Variants in RBM4 observed in about 807,000 individuals in gnomAD.
RBM4 encodes RNA-binding protein 4.
RBM4 carries 7 observed loss-of-function variants against 29.5 expected under a neutral mutation model. That is an observed-to-expected ratio of 0.24 (90% CI 0.14 to 0.45). The LOEUF (loss-of-function observed/expected upper bound fraction) is 0.45. Ranked by LOEUF, RBM4 falls within the 20% of genes least tolerant of loss-of-function variation. The pLI, the probability that RBM4 is intolerant of heterozygous loss-of-function variation, is 1.00. For missense variants in RBM4, 387 were observed against 502.3 expected, an observed-to-expected ratio of 0.77 and a Z score of 2.19; for synonymous variants, 220 against 205.4, an observed-to-expected ratio of 1.07 and a Z score of -0.61.
intron 2 of RBM4, chr11:66,665,454 T>G: frequency 1.3e-6 from 1 of 749,338 alleles, no homozygotes; most frequent in South Asian, 1.5e-5. Flanking sequence ...GAAAACATAG[T>G]TGGTCACAAA....
chr11:66,661,916 G>C (rs1039136629), intron 2 of RBM4, among the ~76,000 whole-genome samples: 7 of 152,262 alleles, frequency 4.6e-5, no homozygotes, highest in African/African-American at 1.7e-4. Flanking sequence ...TGTGATCCCA[G>C]CTACTGGGGA....
chr11:66,640,533 T>C (rs1356901730), intron 2 of RBM4: 2 of 355,074 alleles, frequency 5.6e-6, no homozygotes, highest in Non-Finnish European at 1.0e-5. Flanking sequence ...CTCAAAAACA[T>C]GTCAAGCGAC....
chr11:66,656,607 C>G (rs903919742), intron 2 of RBM4, among the ~76,000 whole-genome samples: 1 of 152,058 alleles, frequency 6.6e-6, no homozygotes, highest in Non-Finnish European at 1.5e-5. Flanking sequence ...ATAAAATATA[C>G]CAATTTTGAA....
At chr11:66,665,684 G>GAA (rs1939201804) in intron 2 of RBM4, 2 of 1,508,464 alleles carry the variant, frequency 1.3e-6, no homozygotes, top group Admixed American at 4.4e-5. Flanking sequence ...GGAAAAAAAA[G>GAA]AACAAAACAA....
chr11:66,648,402 T>A (rs1296563900), downstream of RBM4, among the ~76,000 whole-genome samples: 2 of 151,156 alleles, frequency 1.3e-5, no homozygotes, highest in Non-Finnish European at 2.9e-5. Context: ...GCATTTGTGG[T>A]CCCAGCTACT....
At position 66,644,018 on chromosome 11, in the gene RBM4, CG is replaced by C; in HGVS notation, c.984del (p.His329MetfsTer39). The C allele has an allele frequency of 6.2e-7, 1 of 1,613,688 alleles. No homozygotes were observed. The highest frequency in any genetic ancestry group is 8.5e-7 in the Non-Finnish European group (1 of 1,180,002). On this transcript the variant is annotated frameshift_variant, in exon 3 of 4. Coordinates refer to ENST00000310092, the MANE Select transcript of RBM4 (RefSeq NM_002896.4). LOFTEE classifies it high-confidence loss of function. ...VPTVGEGYGY[G>X]HESELSQASA... is the part of the protein sequence containing the mutation. ...CCACTGTTGGAGAGGGCTACGGTTACGGGCATGAGAGTGAGTTGTCCCAAGC... is the reference window on the plus strand; with the variant it reads ...CCACTGTTGGAGAGGGCTACGGTTACGGCATGAGAGTGAGTTGTCCCAAGC...
chr11:66,655,965 C>A lies in RBM4; in HGVS notation c.413-9891C>A, dbSNP rs184896209. 2.7e-4 allele frequency among the ~76,000 whole-genome samples: 41 copies of A among 152,146 alleles called. No homozygotes were observed. The East Asian group carries it at 7.5e-3, about 28-fold the overall frequency. On this transcript the variant is annotated intron_variant, in intron 2 of 2. Coordinates refer to the RBM4 transcript ENST00000396053. The stretch of plus-strand genomic sequence containing the variant: ...TCTGGGAAGAACCAGGAAGAGACGG[C>A]CCTGAAGTATTCTTTTTTTTTTTAG...
At chr11:66,640,160 GGCT>G in intron 2 of RBM4, 37 bp downstream of exon 2, 2 of 1,611,344 alleles carry the variant, frequency 1.2e-6, no homozygotes, top group South Asian at 2.2e-5. Flanking sequence ...CTGAACACAA[GGCT>G]GTGTGCAGAA....
chr11:66,651,122 CG>C (rs144427782), downstream of RBM4, among the ~76,000 whole-genome samples: 780 of 150,914 alleles, frequency 5.2e-3, 32 homozygotes, highest in East Asian at 0.098. Context: ...AAAGTAGACT[CG>C]GGGGGGGATG....
intron 2 of RBM4, among the ~76,000 whole-genome samples, chr11:66,663,249 T>C (rs1939119185): frequency 6.6e-6 from 1 of 152,248 alleles, no homozygotes; most frequent in Non-Finnish European, 1.5e-5. Flanking sequence ...ATCATTAATA[T>C]GTGATTTGCT....
chr11:66,668,202 T>C (rs12364617), exon 3 of RBM4: 28 of 166,680 alleles, frequency 1.7e-4, no homozygotes, highest in East Asian at 4.7e-4. Context: ...TCAAATGACT[T>C]TGGGCAAAGT....
intron 2 of RBM4, among the ~76,000 whole-genome samples, chr11:66,658,990 T>C (rs972241439): frequency 2.0e-5 from 3 of 151,322 alleles, no homozygotes; most frequent in African/African-American, 7.3e-5. Context: ...TCATTATATG[T>C]TGAAATGGTC....
At chr11:66,668,285 T>G in exon 3 of RBM4, 1 of 226,026 alleles carries the variant, frequency 4.4e-6, no homozygotes, top group Non-Finnish European at 8.8e-6. Context: ...GTGTAGATGA[T>G]ATACAGAGGG....
chr11:66,651,926 CACTAT>C (rs1387687030), intron 2 of RBM4, among the ~76,000 whole-genome samples: 1 of 51,984 alleles, frequency 1.9e-5, no homozygotes, highest in Non-Finnish European at 6.5e-5. Context: ...CTAATACTTT[CACTAT>C]GGGGATTCAG....
exon 3 of RBM4, chr11:66,667,677 G>C (rs1053393319): frequency 4.6e-5 from 7 of 151,490 alleles, no homozygotes; most frequent in African/African-American, 1.7e-4. Flanking sequence ...CTTTGACAAA[G>C]GACAATGACC....
chr11:66,646,339 G>C lies in RBM4; in HGVS notation c.*321G>C. On this transcript the variant is annotated 3_prime_UTR_variant, in exon 4 of 4. Transcript: ENST00000310092. The stretch of plus-strand genomic sequence containing the variant: ...CTCCTCCCTGCCTCCTGCCTCCTGC[G>C]GCTGTTGGATTTGGGAATGACCTTG... 1 of 1,265,294 alleles carries C rather than the reference G, an allele frequency of 7.9e-7. No individual in the cohort carries two copies. The highest frequency in any genetic ancestry group is 1.0e-6 in the Non-Finnish European group (1 of 999,540). The allele number at this position is 1,265,294 out of a possible 1,614,324, so 78.4% of individuals were successfully genotyped here. A position where few individuals can be genotyped will look rare whatever the true frequency, so the allele number is the denominator to read the frequency against.
At chr11:66,655,281 C>T (rs999306423) in intron 2 of RBM4, among the ~76,000 whole-genome samples, 3 of 151,292 alleles carry the variant, frequency 2.0e-5, no homozygotes, top group South Asian at 4.2e-4. Context: ...CCACTGCACT[C>T]GGCACTTCTT....
At chr11:66,663,829 T>G (rs1459883014) in intron 2 of RBM4, among the ~76,000 whole-genome samples, 1 of 152,108 alleles carries the variant, frequency 6.6e-6, no homozygotes, top group Non-Finnish European at 1.5e-5. Flanking sequence ...GCTCAGCCTT[T>G]TTCTGATGCA....
At chr11:66,649,100 G>A (rs547109254), downstream of RBM4, among the ~76,000 whole-genome samples, 5 of 152,096 alleles carry the variant, frequency 3.3e-5, no homozygotes, top group Admixed American at 1.3e-4. Flanking sequence ...TCTGCCTCCC[G>A]TGTTCAAGTG....
Sources: gnomAD v4.1 joint callset for allele counts (sites outside exome capture counted in the v4.1 genomes callset) on GRCh38, gnomAD v4.1.1 for gene constraint, MANE v1.5 for transcripts, NCBI Gene and HGNC (gene_info 2026-07-23, HGNC 2026-07-21) for gene names.